FAM50A: variants seen among roughly 807,000 people sequenced by gnomAD.
The protein encoded by FAM50A is protein FAM50A.
In FAM50A, 6 loss-of-function variants were observed where a neutral mutation model predicts 35.5. The ratio of observed to expected loss-of-function variants is 0.17; its 90% CI spans 0.09 to 0.33. FAM50A has a LOEUF of 0.33. Ranked by LOEUF, FAM50A falls within the 10% of genes least tolerant of loss-of-function variation. The pLI, the probability that FAM50A is intolerant of heterozygous loss-of-function variation, is 1.00. For missense variants in FAM50A, 145 were observed against 295.5 expected, an observed-to-expected ratio of 0.49 and a Z score of 3.73; for synonymous variants, 120 against 110.9, an observed-to-expected ratio of 1.08 and a Z score of -0.52.
chrX:154,444,402 C>T, intron 1 of FAM50A, 56 bp downstream of exon 1: 1 of 775,473 alleles, frequency 1.3e-6, no homozygotes, highest in South Asian at 3.0e-5. Flanking sequence ...GGCGGCCCCG[C>T]GCCACGCTCC....
At chrX:154,446,386 GT>G in intron 3 of FAM50A, 28 bp from the exon 4 acceptor site, 3 of 1,192,153 alleles carry the variant, frequency 2.5e-6, no homozygotes, top group Non-Finnish European at 3.4e-6. Flanking sequence ...AGGACATGAT[GT>G]GTGATGGGGC....
chrX:154,444,523 C>A, intron 1 of FAM50A, 177 bp downstream of exon 1: 1 of 236,391 alleles, frequency 4.2e-6, no homozygotes, highest in Non-Finnish European at 7.6e-6. Context: ...GCGACAGTCT[C>A]ATCTGTGAAA....
rs200313613 is a variant in FAM50A, at chrX:154,448,585, C to T, written c.519+25C>T. 48 of 1,190,017 alleles carry T rather than the reference C, an allele frequency of 4.0e-5. No individual in the cohort carries two copies. In the African/African-American group the frequency reaches 6.7e-4, roughly 17 times the overall value. On this transcript the variant is annotated intron_variant, in intron 5 of 12. Transcript: ENST00000393600. ...GGTAAAGGCTGCCTGGCCCTGACCCCGGCCTCGACTCCAGCCCTGGTGGAG... is the reference window on the plus strand; with the variant it reads ...GGTAAAGGCTGCCTGGCCCTGACCCTGGCCTCGACTCCAGCCCTGGTGGAG...
rs2068783269 is a variant in FAM50A at position 154,446,526 on chromosome X, G to T, written c.408G>T (p.Glu136Asp). 8.4e-7 allele frequency: 1 copy of T among 1,189,823 alleles called. No homozygotes were observed. ...EEEEGGEEEE[E>D]AAMYEEEMER... ...AAGAGGGAGGCGAGGAGGAAGAGGAGGCGGCCATGTATGAGGAGGAGATGG... is the reference window on the plus strand; with the variant it reads ...AAGAGGGAGGCGAGGAGGAAGAGGATGCGGCCATGTATGAGGAGGAGATGG... The change falls in exon 4 of 13, where the codon GAG (glutamate) becomes GAT (aspartate). Residue 136 changes from glutamate to aspartate, a missense_variant. Glu to Asp is a conservative substitution (Grantham distance 45). This residue lies in a region of FAM50A where 32 missense variants were observed against 22.9 expected (regional missense o/e 1.40). Transcript: ENST00000393600.
intron 11 of FAM50A, 45 bp downstream of exon 11, chrX:154,450,144 C>G: frequency 8.3e-7 from 1 of 1,200,201 alleles, no homozygotes; most frequent in Non-Finnish European, 1.1e-6. Context: ...TGTCCCTGGG[C>G]TATGGAGGAG....
chrX:154,447,637 GGTT>G (rs1212485188), intron 4 of FAM50A, among the ~76,000 whole-genome samples: 2 of 111,778 alleles, frequency 1.8e-5, no homozygotes, highest in African/African-American at 3.3e-5. Context: ...TTTTTGTTTT[GGTT>G]GTTGTTGTTT....
At chrX:154,448,988 TG>T in intron 7 of FAM50A, 34 bp downstream of exon 7, 3 of 1,162,492 alleles carry the variant, frequency 2.6e-6, no homozygotes, top group Non-Finnish European at 3.5e-6. Context: ...CTGCTCACCA[TG>T]GGCCCAGCCT....
chrX:154,449,591 C>T (rs982082499), intron 8 of FAM50A, 90 bp from the exon 9 acceptor site: 3 of 821,763 alleles, frequency 3.7e-6, no homozygotes, highest in South Asian at 2.3e-5. Flanking sequence ...TTCCCAGCCC[C>T]AGCATGGGCT....
At position 154,448,702 on chromosome X, in the gene FAM50A, C is replaced by A. The variant is rs782317092; in HGVS notation, c.532C>A (p.Arg178=). 6 of 1,207,339 alleles carry A rather than the reference C, an allele frequency of 5.0e-6. No homozygotes were observed. The highest frequency in any genetic ancestry group is 6.7e-6 in the Non-Finnish European group (6 of 894,267). The change falls in exon 6 of 13, where the codon CGG becomes AGG. Residue 178 remains arginine, a synonymous_variant. Transcript: ENST00000393600. Reference sequence around the variant, plus strand: ...CTCCCTCTCCCAGGAGGAGGAGAATCGGCTTCGGGAAGAGCTGCGGCAGGA... The same window carrying A: ...CTCCCTCTCCCAGGAGGAGGAGAATAGGCTTCGGGAAGAGCTGCGGCAGGA... ...PDRDREEEEN[R]LREELRQEWE... is the part of the protein sequence containing the mutation.
At chrX:154,448,661 C>T in intron 5 of FAM50A, 29 bp from the exon 6 acceptor site, 2 of 1,204,175 alleles carry the variant, frequency 1.7e-6, no homozygotes, top group Non-Finnish European at 2.2e-6. Context: ...AGCCCTGGGC[C>T]TCACCTGTCT....
chrX:154,449,370 T>C, intron 8 of FAM50A, 73 bp downstream of exon 8: 1 of 888,569 alleles, frequency 1.1e-6, no homozygotes, highest in Non-Finnish European at 1.7e-6. Flanking sequence ...AGACACCCAG[T>C]GTGATGTGGG....
rs781896846 is a variant in FAM50A, at chrX:154,446,496, G to A, written c.378G>A (p.Glu126=). ...KISSLSFTLE[E]EEEGGEEEEE... Reference sequence around the variant, plus strand: ...CCAGCCTGTCCTTCACCCTGGAGGAGGAAGAAGAGGGAGGCGAGGAGGAAG... The same window carrying A: ...CCAGCCTGTCCTTCACCCTGGAGGAAGAAGAAGAGGGAGGCGAGGAGGAAG... The change falls in exon 4 of 13, where the codon GAG becomes GAA. Residue 126 remains glutamate (E), a synonymous_variant. Coordinates refer to ENST00000393600, the MANE Select transcript of FAM50A (RefSeq NM_004699.4). 7.5e-6 allele frequency: 9 copies of A among 1,202,084 alleles called. No individual in the cohort carries two copies. In the Admixed American group the frequency reaches 1.1e-4, roughly 15 times the overall value.
rs1006980032 is a variant in FAM50A, at chrX:154,445,080, C to T, written c.112-553C>T. Among the ~76,000 whole-genome samples, 29 of 111,209 alleles carry T rather than the reference C, an allele frequency of 2.6e-4. 1 individual carries two copies. The highest frequency in any genetic ancestry group is 2.8e-4 in the Admixed American group (3 of 10,565). ...GAAACACCAAGTCCTCATGCCCTGG[C>T]CGCACTGTCTGAGCCGGGGTGCCCA... On this transcript the variant is annotated intron_variant, in intron 1 of 12. Coordinates refer to ENST00000393600, the MANE Select transcript of FAM50A (RefSeq NM_004699.4).
intron 5 of FAM50A, 24 bp from the exon 6 acceptor site, chrX:154,448,666 C>T (rs1557200114): frequency 8.3e-7 from 1 of 1,206,295 alleles, no homozygotes; most frequent in Non-Finnish European, 1.1e-6. Flanking sequence ...TGGGCCTCAC[C>T]TGTCTGCCTG....
rs2068798577 is a variant in FAM50A at position 154,449,957 on chromosome X, C to T, written c.829+26C>T. 3 of 1,210,434 alleles carry T rather than the reference C, an allele frequency of 2.5e-6. No homozygotes were observed. The East Asian group carries it at 8.9e-5, about 36-fold the overall frequency. On this transcript the variant is annotated intron_variant, in intron 10 of 12. Transcript: ENST00000393600. Reference sequence around the variant, plus strand: ...GTGAGTGCCGCCGACCCAGCCGCCCCCATAGCACCTTGCCGCCGATGTTGT... The same window carrying T: ...GTGAGTGCCGCCGACCCAGCCGCCCTCATAGCACCTTGCCGCCGATGTTGT...
rs2068795430 is a variant in FAM50A at position 154,449,386 on chromosome X, T to C, written c.725+89T>C. 13 of 771,788 alleles carry C rather than the reference T, an allele frequency of 1.7e-5. No homozygotes were observed. In the South Asian group the frequency reaches 1.7e-4, roughly 10 times the overall value. The allele number at this position is 771,788 out of a possible 1,213,427, so 63.6% of individuals were successfully genotyped here. Reference sequence around the variant, plus strand: ...GACACCCAGTGTGATGTGGGCGCTGTCTGGGCAAGCAAGCAGCGTGCTGGG... The same window carrying C: ...GACACCCAGTGTGATGTGGGCGCTGCCTGGGCAAGCAAGCAGCGTGCTGGG... On this transcript the variant is annotated intron_variant, in intron 8 of 12. Transcript: ENST00000393600.
intron 3 of FAM50A, 98 bp downstream of exon 3, chrX:154,446,009 C>CAA: frequency 1.6e-6 from 1 of 611,661 alleles, no homozygotes; most frequent in Non-Finnish European, 2.7e-6. Context: ...ACCCTGTCTC[C>CAA]AGCTTTGGGA....
At chrX:154,446,318 C>T in intron 3 of FAM50A, 97 bp from the exon 4 acceptor site, 5 of 837,555 alleles carry the variant, frequency 6.0e-6, no homozygotes, top group Non-Finnish European at 8.9e-6. Flanking sequence ...CTGGGCAGGC[C>T]CCACATAGGG....
At position 154,448,466 on chromosome X, in the gene FAM50A, G is replaced by A. The variant is rs375781491; in HGVS notation, c.443-18G>A. 1.7e-6 allele frequency: 2 copies of A among 1,191,226 alleles called. No individual in the cohort carries two copies. The highest frequency in any genetic ancestry group is 2.3e-6 in the Non-Finnish European group (2 of 877,422). ...TTTTTATAATAATGCTATGATATTC[G>A]GCTTCCTTTTGTTCCAGAGATCACC... On this transcript the variant is annotated intron_variant, in intron 4 of 12. Transcript: ENST00000393600.
Sources: allele counts gnomAD v4.1 joint callset (sites outside exome capture counted in the v4.1 genomes callset), GRCh38; gene constraint gnomAD v4.1.1; regional missense constraint gnomAD v4.1.1; transcripts MANE v1.5; gene names NCBI Gene and HGNC (gene_info 2026-07-23, HGNC 2026-07-21).